The following SYN2 variants were observed in gnomAD, a reference collection of about 807,000 sequenced individuals.
The protein encoded by SYN2 is synapsin II.
SYN2 carries 19 observed loss-of-function variants against 50.9 expected under a neutral mutation model. The ratio of observed to expected loss-of-function variants is 0.37; its 90% CI spans 0.26 to 0.55. The LOEUF is 0.55. Ranked by LOEUF, SYN2 falls within the 20% of genes least tolerant of loss-of-function variation. The pLI, the probability that SYN2 is intolerant of heterozygous loss-of-function variation, is 0.81. For missense variants in SYN2, 587 were observed against 576.4 expected (o/e 1.02, Z -0.19); for synonymous variants, 255 against 224.9 (o/e 1.13, Z -1.20).
At chr3:12,181,593 T>C (rs942156452) in intron 10 of SYN2, among the ~76,000 whole-genome samples, 1 of 152,228 alleles carries the variant, frequency 6.6e-6, no homozygotes, top group African/African-American at 2.4e-5. Flanking sequence ...AGTGCATCCA[T>C]GTTACTTGGA....
At chr3:12,033,516 A>G (rs1418319189) in intron 1 of SYN2, among the ~76,000 whole-genome samples, 1 of 152,174 alleles carries the variant, frequency 6.6e-6, no homozygotes, top group Non-Finnish European at 1.5e-5. Flanking sequence ...TTTTTTCCCA[A>G]ATTGAGATAT....
chr3:12,055,129 A>G (rs1295173220), intron 1 of SYN2, among the ~76,000 whole-genome samples: 1 of 141,194 alleles, frequency 7.1e-6, no homozygotes, highest in African/African-American at 3.2e-5. Flanking sequence ...ATTCATAAAA[A>G]TTAATATGAA....
chr3:12,064,530 A>C (rs890841271), intron 1 of SYN2, among the ~76,000 whole-genome samples: 7 of 152,114 alleles, frequency 4.6e-5, no homozygotes, highest in Admixed American at 1.3e-4. Context: ...CTTATAATTC[A>C]ACAATAAAGA....
intron 5 of SYN2, among the ~76,000 whole-genome samples, chr3:12,161,149 A>G (rs1697637051): frequency 6.6e-6 from 1 of 152,242 alleles, no homozygotes; most frequent in African/African-American, 2.4e-5. Flanking sequence ...GATGCCAAAG[A>G]TGTGTTTTTA....
chr3:12,152,431 G>C (rs1411005080), intron 5 of SYN2, among the ~76,000 whole-genome samples: 1 of 152,198 alleles, frequency 6.6e-6, no homozygotes, highest in Non-Finnish European at 1.5e-5. Context: ...ATCTCAGGGA[G>C]CCCAAGGCAC....
chr3:12,115,460 C>G (rs1296425170), intron 1 of SYN2, among the ~76,000 whole-genome samples: 1 of 152,082 alleles, frequency 6.6e-6, no homozygotes, highest in Admixed American at 6.6e-5. Context: ...TGTACTTTAC[C>G]TACAAAAAAG....
At chr3:12,127,288 C>G (rs184361506) in intron 1 of SYN2, among the ~76,000 whole-genome samples, 1 of 152,248 alleles carries the variant, frequency 6.6e-6, no homozygotes, top group Non-Finnish European at 1.5e-5. Context: ...ACAGCACTAT[C>G]TGTCTTCATA....
intron 1 of SYN2, among the ~76,000 whole-genome samples, chr3:12,131,342 G>A (rs1376695725): frequency 1.1e-4 from 16 of 152,220 alleles, no homozygotes; most frequent in Admixed American, 1.0e-3. Flanking sequence ...GGTGACAGCG[G>A]TGACTGTGGG....
intron 1 of SYN2, among the ~76,000 whole-genome samples, chr3:12,122,056 T>C (rs1291299001): frequency 6.6e-6 from 1 of 152,188 alleles, no homozygotes; most frequent in Non-Finnish European, 1.5e-5. Flanking sequence ...TAAAGTCAAC[T>C]GATTATAGAT....
chr3:12,087,070 A>G (rs890448230), intron 1 of SYN2, among the ~76,000 whole-genome samples: 1 of 152,204 alleles, frequency 6.6e-6, no homozygotes, highest in Admixed American at 6.5e-5. Flanking sequence ...CTAACAATGA[A>G]CTATCTGAAA....
intron 3 of SYN2, among the ~76,000 whole-genome samples, chr3:12,143,371 C>G (rs944079434): frequency 1.3e-5 from 2 of 152,132 alleles, no homozygotes; most frequent in African/African-American, 4.8e-5. Flanking sequence ...GTTTGGGGTT[C>G]TAGTGTTCCA....
Position 12,127,060 on chromosome 3 carries a change from T to G in SYN2, c.378-13591T>G, listed in dbSNP as rs76569038. On this transcript the variant is annotated intron_variant, in intron 1 of 12. Transcript: ENST00000621198. ...TTAGAATTACAATATTTTGAAAGGCTTATAGAATATATTTCATTACAACAG... is the reference window on the plus strand; with the variant it reads ...TTAGAATTACAATATTTTGAAAGGCGTATAGAATATATTTCATTACAACAG... Among the ~76,000 whole-genome samples, 13 of 152,320 alleles carry G rather than the reference T, an allele frequency of 8.5e-5. No homozygotes were observed. The South Asian group carries it at 1.2e-3, about 15-fold the overall frequency.
chr3:12,190,595 G>A lies in SYN2; in HGVS notation c.1719G>A (p.Arg573=). 3.1e-6 allele frequency: 5 copies of A among 1,613,142 alleles called. No homozygotes were observed. Among genetic ancestry groups the A allele is most frequent in the Non-Finnish European group, 4.2e-6 (5 of 1,179,474 alleles). The change falls in exon 13 of 13, where the codon AGG becomes AGA. Residue 573 remains arginine, a synonymous_variant. Transcript: ENST00000621198. The part of the protein sequence containing the change: ...EAKAETIRSL[R]KSFASLFSD ...AAGCAGAGACCATCCGGAGCTTGAG[G>A]AAGTCCTTTGCCAGCCTCTTTTCAG... is the stretch of plus-strand genomic sequence containing the variant.
chr3:12,053,794 ATAAGT>A (rs1399696329), intron 1 of SYN2, among the ~76,000 whole-genome samples: 4 of 152,232 alleles, frequency 2.6e-5, no homozygotes, highest in African/African-American at 4.8e-5. Flanking sequence ...TTAACTTAAA[ATAAGT>A]TAAATTAAAA....
chr3:12,014,830 A>G (rs1693987726), intron 1 of SYN2, among the ~76,000 whole-genome samples: 1 of 152,182 alleles, frequency 6.6e-6, no homozygotes, highest in African/African-American at 2.4e-5. Context: ...GATTGTGGGA[A>G]TGGTTTAACT....
chr3:12,125,066 G>C (rs1378790343), intron 1 of SYN2, among the ~76,000 whole-genome samples: 1 of 151,536 alleles, frequency 6.6e-6, no homozygotes, highest in Admixed American at 6.6e-5. Context: ...CCAGGCTGGA[G>C]TGCAATGGCA....
intron 1 of SYN2, among the ~76,000 whole-genome samples, chr3:12,014,766 G>A (rs1693986467): frequency 6.6e-6 from 1 of 152,108 alleles, no homozygotes; most frequent in African/African-American, 2.4e-5. Flanking sequence ...TGAGTTTTGT[G>A]TGCCTTCTTC....
intron 1 of SYN2, among the ~76,000 whole-genome samples, chr3:12,074,057 C>T (rs1023544728): frequency 2.0e-5 from 3 of 152,082 alleles, no homozygotes; most frequent in Non-Finnish European, 4.4e-5. Context: ...GTAGTTCTAT[C>T]TTCTTGCTAG....
At position 12,153,579 on chromosome 3, in the gene SYN2, G is replaced by A. The variant is rs753816364; in HGVS notation, c.774+2253G>A. 2 of 1,614,112 alleles carry A rather than the reference G, an allele frequency of 1.2e-6. No individual in the cohort carries two copies. Among genetic ancestry groups the A allele is most frequent in the Admixed American group, 3.3e-5 (2 of 60,020 alleles). ...CAGGTGGCCCCGGTACCAGCTGCAG[G>A]TGCCGTCAACATGCTTCATACAGAC... is the stretch of plus-strand genomic sequence containing the variant. On this transcript the variant is annotated intron_variant, in intron 5 of 12. Transcript: ENST00000621198.
Sources: gnomAD v4.1 joint callset for allele counts (sites outside exome capture counted in the v4.1 genomes callset) on GRCh38, gnomAD v4.1.1 for gene constraint, MANE v1.5 for transcripts, NCBI Gene and HGNC (gene_info 2026-07-23, HGNC 2026-07-21) for gene names.